The following AOPEP variants were observed in gnomAD, a reference collection of about 807,000 sequenced individuals.
AOPEP encodes the protein aminopeptidase O.
A neutral mutation model predicts 98.1 loss-of-function variants in AOPEP; 77 were observed. That is an observed-to-expected ratio of 0.78 (90% CI 0.65 to 0.95). The LOEUF (loss-of-function observed/expected upper bound fraction) is 0.95. AOPEP is among the 40% of genes least tolerant of loss of function. AOPEP has a pLI of 0.00. For synonymous variants in AOPEP, 346 were observed against 365.3 expected (o/e 0.95, Z 0.60); for missense variants, 1,024 against 1,024.7 (o/e 1.00, Z 0.01).
chr9:95,082,682 C>T lies in AOPEP; in HGVS notation c.2427C>T (p.Ser809=). 6.2e-7 allele frequency: 1 copy of T among 1,614,242 alleles called. No individual in the cohort carries two copies. Among genetic ancestry groups the T allele is most frequent in the Non-Finnish European group, 8.5e-7 (1 of 1,180,032 alleles). Residue 809 remains serine (S), a synonymous_variant, in exon 16 of 17, where the codon TCC becomes TCT. Transcript: ENST00000375315. ...GGACCAAGGAGCAGATGGATAGGTC[C>T]TCAGCCCAGGTGGTGGCCGAAATGT... ...FERTKEQMDR[S]SAQVVAEMLF
intron 13 of AOPEP, among the ~76,000 whole-genome samples, chr9:95,036,648 CCCT>C (rs2133469618): frequency 6.6e-6 from 1 of 150,884 alleles, no homozygotes; most frequent in Admixed American, 6.6e-5. Context: ...CTCCTCCCCG[CCCT>C]CCTCTTCTTC....
chr9:95,045,676 G>A (rs7873567), intron 13 of AOPEP, among the ~76,000 whole-genome samples: 121,494 of 152,144 alleles, frequency 0.8, 49,690 homozygotes, highest in Non-Finnish European at 0.89. Context: ...AGGGCCAGGT[G>A]TTTTCTTTTT....
At position 95,005,630 on chromosome 9, in the gene AOPEP, A is replaced by T; in HGVS notation, c.2115+14A>T. 1 of 1,611,916 alleles carries T rather than the reference A, an allele frequency of 6.2e-7. No homozygotes were observed. The highest frequency in any genetic ancestry group is 1.1e-5 in the South Asian group (1 of 91,022). On this transcript the variant is annotated intron_variant, in intron 13 of 16. Coordinates refer to ENST00000375315, the MANE Select transcript of AOPEP (RefSeq NM_001193329.3). The stretch of plus-strand genomic sequence containing the variant: ...GTGTTTGAAAAGGTAGGGGTTCCCG[A>T]GACGGTACTCGGTGCAGGTCTTGGT...
chr9:95,064,101 TG>T, intron 14 of AOPEP, among the ~76,000 whole-genome samples: 1 of 152,102 alleles, frequency 6.6e-6, no homozygotes, highest in East Asian at 1.9e-4. Flanking sequence ...TAGGAGCAAG[TG>T]AATGTGAGGA....
chr9:95,112,799 G>T, the AOPEP span, among the ~76,000 whole-genome samples: 2 of 152,328 alleles, frequency 1.3e-5, no homozygotes, highest in South Asian at 4.1e-4. Context: ...CCACCTGAAA[G>T]GTATCTCATG....
chr9:95,100,014 G>A, the AOPEP span: 1 of 232,324 alleles, frequency 4.3e-6, no homozygotes. Flanking sequence ...TCTCTCTAGG[G>A]GTTCCCTGCT....
intron 5 of AOPEP, among the ~76,000 whole-genome samples, chr9:94,922,071 G>A (rs1365693198): frequency 6.6e-6 from 1 of 152,072 alleles, no homozygotes; most frequent in Non-Finnish European, 1.5e-5. Context: ...CAGACAACAA[G>A]GACTGCTCAA....
At chr9:94,990,479 C>T (rs2060824212) in intron 11 of AOPEP, among the ~76,000 whole-genome samples, 2 of 152,258 alleles carry the variant, frequency 1.3e-5, no homozygotes, top group Non-Finnish European at 2.9e-5. Context: ...AAGATAGCAG[C>T]TCTAGAGTGT....
chr9:95,009,553 G>A (rs2062326974), intron 13 of AOPEP, among the ~76,000 whole-genome samples: 1 of 152,118 alleles, frequency 6.6e-6, no homozygotes, highest in Admixed American at 6.6e-5. Context: ...AGTATTCATT[G>A]GCTCACTTTC....
chr9:94,898,657 A>G (rs1489441317), intron 5 of AOPEP, among the ~76,000 whole-genome samples: 3 of 150,604 alleles, frequency 2.0e-5, no homozygotes, highest in African/African-American at 7.3e-5. Context: ...TGAAAAAAAA[A>G]AAAAGGCCGG....
intron 11 of AOPEP, among the ~76,000 whole-genome samples, chr9:94,982,681 A>T (rs996453451): frequency 6.6e-6 from 1 of 151,296 alleles, no homozygotes; most frequent in Admixed American, 6.6e-5. Flanking sequence ...TGAAAGGGCA[A>T]TACTTTTAAA....
the AOPEP span, chr9:95,100,286 T>C: frequency 4.3e-6 from 1 of 232,682 alleles, no homozygotes; most frequent in South Asian, 1.8e-4. Flanking sequence ...CAAAATACTT[T>C]ACCAGCACAC....
chr9:94,961,746 A>G (rs1052340198), intron 9 of AOPEP, among the ~76,000 whole-genome samples: 4 of 151,426 alleles, frequency 2.6e-5, no homozygotes, highest in Non-Finnish European at 4.4e-5. Context: ...ATTCATGGAG[A>G]ATTTTCTTCT....
At position 94,789,491 on chromosome 9, in the gene AOPEP, T is replaced by G. The variant is rs185064397; in HGVS notation, c.965-3274T>G. 5.9e-5 allele frequency among the ~76,000 whole-genome samples: 9 copies of G among 152,296 alleles called. No individual in the cohort carries two copies. The East Asian group carries it at 1.7e-3, about 29-fold the overall frequency. The stretch of plus-strand genomic sequence containing the variant: ...TTTAAACCAGAGGCTTTCAAAAGAT[T>G]TAGTTCCTTACCCATAACTTCTTGC... On this transcript the variant is annotated intron_variant, in intron 3 of 16. Coordinates refer to ENST00000375315, the MANE Select transcript of AOPEP (RefSeq NM_001193329.3).
chr9:95,014,032 A>G (rs1375648315), intron 13 of AOPEP, among the ~76,000 whole-genome samples: 2 of 152,202 alleles, frequency 1.3e-5, no homozygotes, highest in African/African-American at 4.8e-5. Context: ...CTCACAGTAG[A>G]TATGAAGCCA....
intron 3 of AOPEP, among the ~76,000 whole-genome samples, chr9:94,790,735 A>G (rs1349036993): frequency 6.6e-6 from 1 of 152,080 alleles, no homozygotes; most frequent in Non-Finnish European, 1.5e-5. Flanking sequence ...GCACGTGGAG[A>G]TCAAAATCTA....
the AOPEP span, among the ~76,000 whole-genome samples, chr9:95,095,549 G>C: frequency 1.3e-5 from 2 of 152,206 alleles, no homozygotes; most frequent in African/African-American, 4.8e-5. Flanking sequence ...TGTGTATTGA[G>C]ATACTTTGGT....
intron 5 of AOPEP, among the ~76,000 whole-genome samples, chr9:94,882,006 A>G (rs983272162): frequency 1.3e-5 from 2 of 152,166 alleles, no homozygotes; most frequent in Admixed American, 6.5e-5. Context: ...CCTGGATTGT[A>G]AGCTCTTATG....
intron 5 of AOPEP, among the ~76,000 whole-genome samples, chr9:94,858,104 C>T (rs370962917): frequency 4.7e-5 from 7 of 150,140 alleles, no homozygotes; most frequent in African/African-American, 1.7e-4. Flanking sequence ...AAAACAAAAA[C>T]ACATTTAGAA....
Sources: gnomAD v4.1 joint callset for allele counts (sites outside exome capture counted in the v4.1 genomes callset) on GRCh38, gnomAD v4.1.1 for gene constraint, MANE v1.5 for transcripts, NCBI Gene and HGNC (gene_info 2026-07-23, HGNC 2026-07-21) for gene names.